CENPP: variants seen among roughly 807,000 people sequenced by gnomAD.
CENPP encodes centromere protein P.
A neutral mutation model predicts 35.6 loss-of-function variants in CENPP; 24 were observed. That is an observed-to-expected ratio of 0.67 (90% CI 0.49 to 0.95). The LOEUF (loss-of-function observed/expected upper bound fraction) is 0.95. Among genes scored for constraint, CENPP ranks in the 40% least tolerant of loss-of-function variants. The pLI is 0.00. For synonymous variants in CENPP, 120 were observed against 125.5 expected (o/e 0.96, Z 0.29); for missense variants, 332 against 345.3 (o/e 0.96, Z 0.31).
At chr9:92,531,417 G>A (rs1196749097) in intron 5 of CENPP, among the ~76,000 whole-genome samples, 2 of 152,080 alleles carry the variant, frequency 1.3e-5, no homozygotes, top group Non-Finnish European at 1.5e-5. Context: ...TTCTGTTTCA[G>A]TTCTGTGTTT....
intron 4 of CENPP, among the ~76,000 whole-genome samples, chr9:92,372,557 GATGGTAA>G (rs1842034792): frequency 4.6e-5 from 7 of 152,226 alleles, no homozygotes; most frequent in Admixed American, 2.0e-4. Context: ...GTGATTTCAT[GATGGTAA>G]ATGTCATCCT....
intron 2 of CENPP, among the ~76,000 whole-genome samples, chr9:92,336,719 A>C (rs976310632): frequency 6.6e-6 from 1 of 152,158 alleles, no homozygotes; most frequent in African/African-American, 2.4e-5. Context: ...GGTTCTGTAA[A>C]ATTCCTGTAG....
chr9:92,463,515 G>C (rs560104273), intron 5 of CENPP, among the ~76,000 whole-genome samples: 58 of 152,320 alleles, frequency 3.8e-4, no homozygotes, highest in Non-Finnish European at 6.2e-4. Context: ...TGCAGTGTAG[G>C]AAAGACTTTT....
intron 5 of CENPP, among the ~76,000 whole-genome samples, chr9:92,395,663 T>C (rs1842863362): frequency 6.6e-6 from 1 of 152,208 alleles, no homozygotes; most frequent in Non-Finnish European, 1.5e-5. Context: ...TCCACATCCT[T>C]GCCAACATTT....
intron 5 of CENPP, among the ~76,000 whole-genome samples, chr9:92,407,392 A>G (rs1843334730): frequency 6.6e-6 from 1 of 152,222 alleles, no homozygotes; most frequent in African/African-American, 2.4e-5. Context: ...ACCTCTCAGA[A>G]GCCAAGGCAA....
At chr9:92,606,684 T>G (rs192891545) in intron 5 of CENPP, among the ~76,000 whole-genome samples, 75 of 152,330 alleles carry the variant, frequency 4.9e-4, no homozygotes, top group Admixed American at 9.8e-4. Context: ...GGCGGGCAGA[T>G]CATGAGGTCA....
chr9:92,375,740 C>T (rs1344524528), intron 4 of CENPP, among the ~76,000 whole-genome samples: 4 of 152,020 alleles, frequency 2.6e-5, no homozygotes, highest in Non-Finnish European at 5.9e-5. Flanking sequence ...CTGTTTGTTG[C>T]ATACTTTGTT....
intron 4 of CENPP, among the ~76,000 whole-genome samples, chr9:92,369,098 A>AATAAT (rs1841951844): frequency 6.6e-6 from 1 of 152,196 alleles, no homozygotes; most frequent in Admixed American, 6.5e-5. Context: ...ACTAACAACT[A>AATAAT]ATAATATAGT....
At chr9:92,385,204 A>G (rs1359026923) in intron 5 of CENPP, 1 of 154,710 alleles carries the variant, frequency 6.5e-6, no homozygotes, top group Non-Finnish European at 1.4e-5. Flanking sequence ...TTAGCTTTTC[A>G]AAGTTTTTGG....
chr9:92,599,248 C>A (rs1850850870), intron 5 of CENPP, among the ~76,000 whole-genome samples: 1 of 151,918 alleles, frequency 6.6e-6, no homozygotes, highest in Non-Finnish European at 1.5e-5. Context: ...GAAAGGAGCC[C>A]AGGAAACAAA....
chr9:92,403,499 A>G, intron 5 of CENPP: 1 of 1,483,304 alleles, frequency 6.7e-7, no homozygotes, highest in Non-Finnish European at 8.9e-7. Context: ...ATAAAAATTC[A>G]GACCATCGAA....
chr9:92,514,732 C>T lies in CENPP; in HGVS notation c.565-96582C>T. 6 of 1,613,546 alleles carry T rather than the reference C, an allele frequency of 3.7e-6. No homozygotes were observed. In the East Asian group the frequency reaches 1.3e-4, roughly 36 times the overall value. ...GGTCCTGTAGGACAGAGAGCACCCGCTTGGCAGGCGCAGTGTGCCTCTGGG... is the reference window on the plus strand; with the variant it reads ...GGTCCTGTAGGACAGAGAGCACCCGTTTGGCAGGCGCAGTGTGCCTCTGGG... On this transcript the variant is annotated intron_variant, in intron 5 of 7. Coordinates refer to ENST00000375587, the MANE Select transcript of CENPP (RefSeq NM_001012267.3).
At chr9:92,579,808 A>G (rs1435838460) in intron 5 of CENPP, among the ~76,000 whole-genome samples, 4 of 132,272 alleles carry the variant, frequency 3.0e-5, no homozygotes, top group Admixed American at 2.2e-4. Flanking sequence ...TCTCCTGCCT[A>G]ATTGCCCTGG....
chr9:92,607,889 T>TA (rs1284728771), intron 5 of CENPP, among the ~76,000 whole-genome samples: 6 of 152,222 alleles, frequency 3.9e-5, no homozygotes, highest in African/African-American at 1.4e-4. Context: ...CCAACATTCT[T>TA]ACAGCCATCT....
intron 5 of CENPP, among the ~76,000 whole-genome samples, chr9:92,606,546 A>G (rs1030231124): frequency 1.3e-5 from 2 of 152,208 alleles, no homozygotes; most frequent in Admixed American, 1.3e-4. Context: ...AAGGGAAATG[A>G]AAATATGTAT....
intron 5 of CENPP, among the ~76,000 whole-genome samples, chr9:92,487,413 T>C (rs1022878049): frequency 6.6e-6 from 1 of 152,156 alleles, no homozygotes; most frequent in Non-Finnish European, 1.5e-5. Flanking sequence ...AGTTTGAGCA[T>C]CTCAAAAAGA....
chr9:92,456,366 G>A (rs1446109916), intron 5 of CENPP: 1 of 152,376 alleles, frequency 6.6e-6, no homozygotes, highest in African/African-American at 2.4e-5. Context: ...TATACTAGAT[G>A]TGTTTCTCAG....
At chr9:92,416,107 T>A (rs949971270) in intron 5 of CENPP, among the ~76,000 whole-genome samples, 34 of 142,752 alleles carry the variant, frequency 2.4e-4, no homozygotes, top group South Asian at 1.5e-3. Flanking sequence ...TATTTTATTT[T>A]TTTTTTTTTT....
intron 5 of CENPP, among the ~76,000 whole-genome samples, chr9:92,385,976 A>G (rs999425298): frequency 2.0e-5 from 3 of 152,244 alleles, no homozygotes; most frequent in African/African-American, 7.2e-5. Flanking sequence ...CAGACTTCAC[A>G]CGTACTGTGC....
Sources: allele counts gnomAD v4.1 joint callset (sites outside exome capture counted in the v4.1 genomes callset), GRCh38; gene constraint gnomAD v4.1.1; transcripts MANE v1.5; gene names NCBI Gene and HGNC (gene_info 2026-07-23, HGNC 2026-07-21).